The following GHRHR variants were observed in gnomAD, a reference collection of about 807,000 sequenced individuals.
The protein encoded by GHRHR is growth hormone-releasing hormone receptor.
A neutral mutation model predicts 58.3 loss-of-function variants in GHRHR; 40 were observed. The observed-to-expected ratio is 0.69, with a 90% CI of 0.53 to 0.89. The LOEUF (loss-of-function observed/expected upper bound fraction) is 0.89, where lower values mean the gene tolerates loss of function less well. Ranked by LOEUF, GHRHR falls within the 40% of genes least tolerant of loss-of-function variation. The pLI is 0.00. For synonymous variants in GHRHR, 249 were observed against 216.6 expected (o/e 1.15, Z -1.31); for missense variants, 551 against 541.3 (o/e 1.02, Z -0.18).
chr7:30,965,198 G>A (rs1792323144), intron 1 of GHRHR, among the ~76,000 whole-genome samples: 1 of 152,182 alleles, frequency 6.6e-6, no homozygotes, highest in African/African-American at 2.4e-5. Flanking sequence ...TGCCATCTGT[G>A]TGCACTCTAC....
chr7:30,964,083 G>C lies in GHRHR; in HGVS notation c.15G>C (p.Met5Ile). The change falls in exon 1 of 13, where the codon ATG becomes ATC. Residue 5 changes from methionine (M) to isoleucine (I), a missense_variant. By Grantham distance (10) the Met-to-Ile change is conservative. Transcript: ENST00000326139. ...CTGGGCTCACCATGGACCGCCGGAT[G>C]TGGGGGGCCCACGTCTTCTGCGTGT... MDRR[M>I]WGAHVFCVLS... 6.4e-7 allele frequency: 1 copy of C among 1,550,622 alleles called. No individual in the cohort carries two copies.
At chr7:30,974,947 C>G (rs757801797) in intron 8 of GHRHR, 24 bp from the exon 9 acceptor site, 1 of 1,554,550 alleles carries the variant, frequency 6.4e-7, no homozygotes, top group South Asian at 1.1e-5. Flanking sequence ...TTTCCAACAA[C>G]GGCCTTCTTT....
At chr7:30,976,781 C>T (rs1026322420) in intron 11 of GHRHR, among the ~76,000 whole-genome samples, 62 of 152,048 alleles carry the variant, frequency 4.1e-4, no homozygotes, top group African/African-American at 1.4e-3. Context: ...TCCATCCATC[C>T]GTGCATCCAT....
chr7:30,974,025 C>T lies in GHRHR; in HGVS notation c.638C>T (p.Thr213Ile). ...TCTGTGGCCGCCTCCCATTTCGCCA[C>T]CATGACCAACTTCAGCTGGCTGTTG... ...KVSVAASHFA[T>I]MTNFSWLLAE... Residue 213 changes from threonine (T) to isoleucine (I), a missense_variant, in exon 7 of 13, where the codon ACC becomes ATC. Thr to Ile is a moderately conservative substitution (Grantham distance 89). Coordinates refer to ENST00000326139, the MANE Select transcript of GHRHR (RefSeq NM_000823.4). The T allele has an allele frequency of 6.2e-7, 1 of 1,614,016 alleles. No homozygotes were observed. Among genetic ancestry groups the T allele is most frequent in the East Asian group, 2.2e-5 (1 of 44,862 alleles).
At chr7:30,970,432 A>G (rs774046837) in intron 4 of GHRHR, among the ~76,000 whole-genome samples, 1 of 152,238 alleles carries the variant, frequency 6.6e-6, no homozygotes, top group Non-Finnish European at 1.5e-5. Flanking sequence ...TTGTGTATCC[A>G]GCAGGGCCTT....
At chr7:30,966,505 TC>T (rs1389146681) in intron 1 of GHRHR, among the ~76,000 whole-genome samples, 1 of 152,130 alleles carries the variant, frequency 6.6e-6, no homozygotes, top group Non-Finnish European at 1.5e-5. Flanking sequence ...TGCTTTCTGT[TC>T]CAGATGCTCT....
chr7:30,974,960 T>G lies in GHRHR; in HGVS notation c.813-11T>G. The G allele has an allele frequency of 6.3e-7, 1 of 1,599,310 alleles. No individual in the cohort carries two copies. The highest frequency in any genetic ancestry group is 8.6e-7 in the Non-Finnish European group (1 of 1,166,646). ...ACTTTCCAACAACGGCCTTCTTTCCTCTCTCCCCAGGTGCTGGGACCTGGA... is the reference window on the plus strand; with the variant it reads ...ACTTTCCAACAACGGCCTTCTTTCCGCTCTCCCCAGGTGCTGGGACCTGGA... On this transcript the variant is annotated splice_polypyrimidine_tract_variant and intron_variant, in intron 8 of 12. Transcript: ENST00000326139.
chr7:30,967,454 G>A (rs966349267), intron 1 of GHRHR, among the ~76,000 whole-genome samples: 25 of 152,154 alleles, frequency 1.6e-4, no homozygotes, highest in African/African-American at 6.0e-4. Flanking sequence ...CAAGATCTGG[G>A]AGGCTCCTAA....
Position 30,979,219 on chromosome 7 carries a change from C to CA in GHRHR, c.1250dup (p.Val418GlyfsTer58), listed in dbSNP as rs771060895. ...TGGACCACGCCTTCCCGCTCGGCGG[C>CA]AAAGGTGCTGACATCTATGTGCTAG... On this transcript the variant is annotated frameshift_variant, in exon 13 of 13. Transcript: ENST00000326139. LOFTEE classifies it high-confidence loss of function. The CA allele has an allele frequency of 6.2e-7, 1 of 1,614,020 alleles. No individual in the cohort carries two copies. The highest frequency in any genetic ancestry group is 1.1e-5 in the South Asian group (1 of 91,086).
chr7:30,966,083 G>A (rs1015348702), intron 1 of GHRHR, among the ~76,000 whole-genome samples: 1 of 152,222 alleles, frequency 6.6e-6, no homozygotes, highest in African/African-American at 2.4e-5. Flanking sequence ...ATGGACCCAT[G>A]GGGTCAGCAG....
At chr7:30,977,727 T>A (rs1272110335) in intron 12 of GHRHR, among the ~76,000 whole-genome samples, 1 of 151,798 alleles carries the variant, frequency 6.6e-6, no homozygotes, top group African/African-American at 2.4e-5. Flanking sequence ...GCCAAGAAAG[T>A]CAGAGGTAAA....
At chr7:30,973,692 G>A (rs1020701726) in intron 6 of GHRHR, among the ~76,000 whole-genome samples, 9 of 152,210 alleles carry the variant, frequency 5.9e-5, no homozygotes, top group Non-Finnish European at 1.3e-4. Flanking sequence ...CTTATGATGA[G>A]GACTTGATCT....
chr7:30,974,503 G>C lies in GHRHR; in HGVS notation c.812+14G>C, dbSNP rs760469490. On this transcript the variant is annotated intron_variant, in intron 8 of 12. Coordinates refer to ENST00000326139, the MANE Select transcript of GHRHR (RefSeq NM_000823.4). Reference sequence around the variant, plus strand: ...CGAGGACATCGCGTGAGTCGGAGCGGCCACCTTGTCATACCCGCTGGTCCT... The same window carrying C: ...CGAGGACATCGCGTGAGTCGGAGCGCCCACCTTGTCATACCCGCTGGTCCT... 6.3e-7 allele frequency: 1 copy of C among 1,595,598 alleles called. No homozygotes were observed. The highest frequency in any genetic ancestry group is 8.6e-7 in the Non-Finnish European group (1 of 1,163,054).
rs2128598609 is a variant in GHRHR at position 30,975,861 on chromosome 7, C to T, written c.967C>T (p.Gln323Ter). Residue 323 changes from glutamine to a stop codon, truncating the protein, a stop_gained, in exon 10 of 13, where the codon CAG (glutamine) becomes TAG (stop). Coordinates refer to ENST00000326139, the MANE Select transcript of GHRHR (RefSeq NM_000823.4). LOFTEE classifies it high-confidence loss of function. The part of the protein sequence containing the change: ...PAQGSLHTQS[Q>*]YWRLSKSTLF... ...TCAGGGCAGCCTCCATACCCAGTCT[C>T]AGTATTGGTACTGTGTGTTTGTGTC... is the stretch of plus-strand genomic sequence containing the variant. 1 of 1,573,656 alleles carries T rather than the reference C, an allele frequency of 6.4e-7. No individual in the cohort carries two copies. Among genetic ancestry groups the T allele is most frequent in the Non-Finnish European group, 8.7e-7 (1 of 1,143,014 alleles).
chr7:30,974,224 A>G, intron 7 of GHRHR, 86 bp downstream of exon 7: 1 of 1,392,270 alleles, frequency 7.2e-7, no homozygotes, highest in East Asian at 2.3e-5. Context: ...CCTCCACCTC[A>G]CTCTGAGGCC....
intron 6 of GHRHR, among the ~76,000 whole-genome samples, chr7:30,973,296 C>G (rs550434789): frequency 6.6e-6 from 1 of 152,290 alleles, no homozygotes; most frequent in South Asian, 2.1e-4. Context: ...GGAAGAAAAT[C>G]TATGTGTAAA....
At chr7:30,966,023 C>T (rs1193361695) in intron 1 of GHRHR, among the ~76,000 whole-genome samples, 2 of 152,166 alleles carry the variant, frequency 1.3e-5, no homozygotes, top group Non-Finnish European at 2.9e-5. Flanking sequence ...ACATCTGCAC[C>T]CTGGGGCCTT....
intron 1 of GHRHR, among the ~76,000 whole-genome samples, chr7:30,965,173 G>C (rs1015940959): frequency 6.6e-6 from 1 of 152,266 alleles, no homozygotes; most frequent in African/African-American, 2.4e-5. Flanking sequence ...AGGAAACTTC[G>C]ACTGCCCCCC....
At chr7:30,965,931 G>T (rs1325987141) in intron 1 of GHRHR, among the ~76,000 whole-genome samples, 7 of 152,236 alleles carry the variant, frequency 4.6e-5, no homozygotes, top group Non-Finnish European at 4.4e-5. Flanking sequence ...ATGGACCTGA[G>T]GTTACTGAGT....
Sources: gnomAD v4.1 joint callset for allele counts (sites outside exome capture counted in the v4.1 genomes callset) on GRCh38, gnomAD v4.1.1 for gene constraint, MANE v1.5 for transcripts, NCBI Gene and HGNC (gene_info 2026-07-23, HGNC 2026-07-21) for gene names.